LY9: variants seen among roughly 807,000 people sequenced by gnomAD.
LY9 encodes the protein T-lymphocyte surface antigen Ly-9.
A neutral mutation model predicts 64.6 loss-of-function variants in LY9; 59 were observed. The observed-to-expected ratio is 0.91, with a 90% confidence interval of 0.74 to 1.13. The LOEUF (loss-of-function observed/expected upper bound fraction) is 1.13. LY9 is among the 50% of genes most tolerant of loss of function. LY9 has a pLI of 0.00. For missense variants in LY9, 789 were observed against 797.2 expected, an observed-to-expected ratio of 0.99 and a Z score of 0.12; for synonymous variants, 281 against 308.5, an observed-to-expected ratio of 0.91 and a Z score of 0.93.
chr1:160,796,413 T>A, intron 1 of LY9, 102 bp downstream of exon 1: 2 of 1,390,770 alleles, frequency 1.4e-6, no homozygotes, highest in Non-Finnish European at 9.7e-7. Context: ...TTGTTTTTTT[T>A]AACGGAGTCT....
chr1:160,823,446 C>T lies in LY9; in HGVS notation c.1499-19C>T. On this transcript the variant is annotated intron_variant, in intron 7 of 9. Transcript: ENST00000263285. Reference sequence around the variant, plus strand: ...GTGGGGTTGGCATACTTTTATCAGCCCTGCACAATGTGTTCCAGAACCCAC... The same window carrying T: ...GTGGGGTTGGCATACTTTTATCAGCTCTGCACAATGTGTTCCAGAACCCAC... 2 of 1,589,738 alleles carry T rather than the reference C, an allele frequency of 1.3e-6. No homozygotes were observed. The highest frequency in any genetic ancestry group is 1.7e-6 in the Non-Finnish European group (2 of 1,161,718).
chr1:160,802,091 A>C (rs942968141), intron 2 of LY9: 16 of 1,381,180 alleles, frequency 1.2e-5, no homozygotes, highest in Non-Finnish European at 1.4e-5. Context: ...CTCCCATGGC[A>C]CGTCGGGAAC....
intron 6 of LY9, 26 bp downstream of exon 6, chr1:160,818,345 CG>C: frequency 6.4e-7 from 1 of 1,553,336 alleles, no homozygotes; most frequent in Middle Eastern, 1.7e-4. Context: ...CAATGTTGTC[CG>C]CCAGTGCTAG....
In LY9 at chr1:160,800,101, C is replaced by T. The variant is rs1221236280; in HGVS notation, c.454+19C>T. 6.4e-7 allele frequency: 1 copy of T among 1,572,908 alleles called. No individual in the cohort carries two copies. The highest frequency in any genetic ancestry group is 1.2e-5 in the South Asian group (1 of 86,198). On this transcript the variant is annotated intron_variant, in intron 2 of 9. Transcript: ENST00000263285. ...GTCTATGGTGAGTTCCAGAGAGCTT[C>T]TGTGTTTTGATCTTTTCTTTTTTTT...
In LY9 at chr1:160,796,210, C is replaced by T. The variant is rs753405175; in HGVS notation, c.23C>T (p.Thr8Ile). The change falls in exon 1 of 10, where the codon ACA (threonine) becomes ATA (isoleucine). Residue 8 changes from threonine (T) to isoleucine (I), a missense_variant. By Grantham distance (89) the Thr-to-Ile change is moderately conservative (BLOSUM62 -1). Coordinates refer to ENST00000263285, the MANE Select transcript of LY9 (RefSeq NM_002348.4). MVAPKSH[T>I]DDWAPGPFSS... ...ATCATGGTGGCACCAAAGAGTCACA[C>T]AGATGACTGGGCTCCTGGGCCTTTC... 2 of 1,614,134 alleles carry T rather than the reference C, an allele frequency of 1.2e-6. No individual in the cohort carries two copies. The highest frequency in any genetic ancestry group is 2.2e-5 in the East Asian group (1 of 44,890).
intron 2 of LY9, chr1:160,809,734 T>C (rs1459824465): frequency 6.6e-6 from 1 of 152,182 alleles, no homozygotes; most frequent in Non-Finnish European, 1.5e-5. Context: ...CCACCAGCAA[T>C]GTTTGAGAGA....
At chr1:160,801,853 G>A (rs1470459548) in intron 2 of LY9, 9 of 1,614,198 alleles carry the variant, frequency 5.6e-6, no homozygotes, top group South Asian at 1.1e-5. Flanking sequence ...CTCCTGGAGG[G>A]CAGCGGCCTG....
chr1:160,827,796 A>G lies in LY9; in HGVS notation c.1948A>G (p.Thr650Ala), dbSNP rs766394576. Residue 650 changes from threonine to alanine, a missense_variant, in exon 10 of 10, where the codon ACC becomes GCC. By Grantham distance (58) the Thr-to-Ala change is moderately conservative (BLOSUM62 0). Transcript: ENST00000263285. ...QNDLEIPESP[T>A]YENFT ...TGATCTTGAGATTCCTGAAAGTCCTACCTATGAAAATTTCACCTGAAAGGA... is the reference window on the plus strand; with the variant it reads ...TGATCTTGAGATTCCTGAAAGTCCTGCCTATGAAAATTTCACCTGAAAGGA... 52 of 1,608,560 alleles carry G rather than the reference A, an allele frequency of 3.2e-5. No individual in the cohort carries two copies. Among genetic ancestry groups the G allele is most frequent in the Non-Finnish European group, 4.3e-5 (51 of 1,177,722 alleles).
At chr1:160,824,626 C>T in intron 9 of LY9, 2 of 983,234 alleles carry the variant, frequency 2.0e-6, no homozygotes, top group Non-Finnish European at 1.2e-6. Flanking sequence ...AACAATTTAA[C>T]AACAAGAATT....
intron 2 of LY9, among the ~76,000 whole-genome samples, chr1:160,804,626 C>T (rs1666804873): frequency 6.6e-6 from 1 of 152,228 alleles, no homozygotes; most frequent in African/African-American, 2.4e-5. Flanking sequence ...AAAATTCCCC[C>T]CACTTTGATT....
intron 2 of LY9, among the ~76,000 whole-genome samples, chr1:160,808,587 G>A (rs1343323713): frequency 1.3e-5 from 2 of 152,194 alleles, no homozygotes; most frequent in Middle Eastern, 3.4e-3. Context: ...GAGGTCTCTC[G>A]CTCACCTCTA....
At chr1:160,801,646 G>A (rs1212342618) in intron 2 of LY9, 1 of 645,516 alleles carries the variant, frequency 1.5e-6, no homozygotes, top group Non-Finnish European at 2.6e-6. Context: ...GTCCAGGAGA[G>A]TTTTCCCTAG....
intron 9 of LY9, among the ~76,000 whole-genome samples, chr1:160,827,312 G>A (rs16832432): frequency 0.029 from 4,405 of 152,208 alleles, 222 homozygotes; most frequent in African/African-American, 0.1. Flanking sequence ...TCTCAGACAG[G>A]GAAGCCTAAG....
intron 2 of LY9, among the ~76,000 whole-genome samples, chr1:160,803,290 A>AT (rs55716945): frequency 0.01 from 1,531 of 151,150 alleles, 14 homozygotes; most frequent in Non-Finnish European, 0.015. Flanking sequence ...CTAAAAAAAA[A>AT]TTTTTTTTTT....
chr1:160,797,049 T>C, intron 1 of LY9: 1 of 935,106 alleles, frequency 1.1e-6, no homozygotes, highest in Non-Finnish European at 1.3e-6. Flanking sequence ...TAGGTGACCA[T>C]GGGCAAGGTG....
At chr1:160,801,138 T>G (rs1666433656) in intron 2 of LY9, among the ~76,000 whole-genome samples, 1 of 152,214 alleles carries the variant, frequency 6.6e-6, no homozygotes, top group Non-Finnish European at 1.5e-5. Context: ...TTGAGAAATC[T>G]TCATATTGTT....
chr1:160,814,551 A>G lies in LY9; in HGVS notation c.862A>G (p.Ile288Val). ...EKVVWLFNTS[I>V]ISKEREEAAT... ...GGTTGTCTGGTTGTTTAACACATCCATCATTAGCAAAGAGAGGGAAGAAGC... is the reference window on the plus strand; with the variant it reads ...GGTTGTCTGGTTGTTTAACACATCCGTCATTAGCAAAGAGAGGGAAGAAGC... Residue 288 changes from isoleucine (I) to valine (V), a missense_variant, in exon 4 of 10, where the codon ATC becomes GTC. Ile to Val is a conservative substitution (Grantham distance 29). Coordinates refer to ENST00000263285, the MANE Select transcript of LY9 (RefSeq NM_002348.4). 1.9e-6 allele frequency: 3 copies of G among 1,614,158 alleles called. No individual in the cohort carries two copies. The highest frequency in any genetic ancestry group is 2.5e-6 in the Non-Finnish European group (3 of 1,180,002).
chr1:160,819,357 C>A lies in LY9; in HGVS notation c.1481C>A (p.Ala494Asp). 6.2e-7 allele frequency: 1 copy of A among 1,613,320 alleles called. No homozygotes were observed. Among genetic ancestry groups the A allele is most frequent in the Admixed American group, 1.7e-5 (1 of 59,986 alleles). The change falls in exon 7 of 10, where the codon GCC (alanine) becomes GAC (aspartate). Residue 494 changes from alanine (A) to aspartate (D), a missense_variant. Coordinates refer to ENST00000263285, the MANE Select transcript of LY9 (RefSeq NM_002348.4). Reference protein sequence around the residue: ...VPAFCSSQAEAPADTPEPTAG... With the variant: ...VPAFCSSQAEDPADTPEPTAG... ...GCCTTCTGTTCCAGCCAAGCTGAGG[C>A]CCCAGCGGATACACCAGGTAACATC... is the stretch of plus-strand genomic sequence containing the variant.
At chr1:160,796,624 C>A (rs1039075721) in intron 1 of LY9, among the ~76,000 whole-genome samples, 5 of 152,062 alleles carry the variant, frequency 3.3e-5, no homozygotes, top group African/African-American at 1.2e-4. Flanking sequence ...ATCTCTTGAC[C>A]TCGTGATCTG....
Sources: gnomAD v4.1 joint callset for allele counts (sites outside exome capture counted in the v4.1 genomes callset) on GRCh38, gnomAD v4.1.1 for gene constraint, MANE v1.5 for transcripts, NCBI Gene and HGNC (gene_info 2026-07-23, HGNC 2026-07-21) for gene names.